Variants in DOCK3 observed in about 807,000 individuals in gnomAD.
The protein encoded by DOCK3 is dedicator of cytokinesis protein 3.
In DOCK3, 60 loss-of-function variants were observed where a neutral mutation model predicts 265.6. The observed-to-expected ratio is 0.23, with a 90% CI of 0.18 to 0.28. The LOEUF (loss-of-function observed/expected upper bound fraction) is 0.28, where lower values mean the gene tolerates loss of function less well. Among genes scored for constraint, DOCK3 ranks in the 10% least tolerant of loss-of-function variants. The pLI is 1.00. For missense variants in DOCK3, 1,981 were observed against 2,594.3 expected, an observed-to-expected ratio of 0.76 and a Z score of 5.14; for synonymous variants, 881 against 938.0, an observed-to-expected ratio of 0.94 and a Z score of 1.11.
chr3:51,346,456 A>G lies in DOCK3; in HGVS notation c.3916-2396A>G, dbSNP rs929035223. Among the ~76,000 whole-genome samples, 8 of 152,168 alleles carry G rather than the reference A, an allele frequency of 5.3e-5. No individual in the cohort carries two copies. In the South Asian group the frequency reaches 6.2e-4, roughly 12 times the overall value. ...ATTCCAGCTTCATCCATGTCCCTAC[A>G]AAGGACATGGACTCATCCTTTTTTA... On this transcript the variant is annotated intron_variant, in intron 38 of 52. Coordinates refer to ENST00000266037, the MANE Select transcript of DOCK3 (RefSeq NM_004947.5).
At chr3:50,876,421 A>G (rs997454834) in intron 3 of DOCK3, among the ~76,000 whole-genome samples, 1 of 152,178 alleles carries the variant, frequency 6.6e-6, no homozygotes, top group Non-Finnish European at 1.5e-5. Context: ...TAAAATATTT[A>G]GTATTTTATT....
At chr3:51,032,857 A>G (rs2080109308) in intron 5 of DOCK3, among the ~76,000 whole-genome samples, 1 of 152,156 alleles carries the variant, frequency 6.6e-6, no homozygotes, top group African/African-American at 2.4e-5. Context: ...GGCAGCAATG[A>G]GCTGTGATTG....
chr3:51,144,802 C>A (rs772600665), intron 9 of DOCK3, among the ~76,000 whole-genome samples: 1 of 152,164 alleles, frequency 6.6e-6, no homozygotes, highest in Non-Finnish European at 1.5e-5. Context: ...GTAGACGGAC[C>A]AAATGAATAC....
intron 22 of DOCK3, among the ~76,000 whole-genome samples, chr3:51,255,929 TGGA>T (rs1419924487): frequency 6.6e-6 from 1 of 152,268 alleles, no homozygotes; most frequent in African/African-American, 2.4e-5. Context: ...TGTGTTCCTT[TGGA>T]GGAGAAGAGG....
chr3:50,777,593 C>T (rs1355401387), intron 1 of DOCK3, among the ~76,000 whole-genome samples: 1 of 152,044 alleles, frequency 6.6e-6, no homozygotes, highest in Non-Finnish European at 1.5e-5. Context: ...TTTTTTTTAG[C>T]AGTGCCTTGT....
chr3:51,013,948 C>T (rs551747722), intron 5 of DOCK3, among the ~76,000 whole-genome samples: 34 of 152,288 alleles, frequency 2.2e-4, no homozygotes, highest in Non-Finnish European at 4.3e-4. Context: ...AGTAAGGCTT[C>T]GTAGGCGTGG....
At position 51,350,280 on chromosome 3, in the gene DOCK3, A is replaced by G; in HGVS notation, c.4003-8A>G. 6.3e-7 allele frequency: 1 copy of G among 1,596,688 alleles called. No homozygotes were observed. The highest frequency in any genetic ancestry group is 8.5e-7 in the Non-Finnish European group (1 of 1,175,512). On this transcript the variant is annotated splice_polypyrimidine_tract_variant and splice_region_variant and intron_variant, in intron 39 of 52. Transcript: ENST00000266037. ...TCAAGCCAACCTGAAGACCTTTCTC[A>G]TTCACAGAAAATGGAGGCCAGCTAC...
intron 2 of DOCK3, among the ~76,000 whole-genome samples, 179 bp from the exon 3 acceptor site, chr3:50,841,496 A>G (rs1482434137): frequency 1.3e-5 from 2 of 152,002 alleles, no homozygotes; most frequent in East Asian, 3.9e-4. Context: ...GAAATGTTTT[A>G]TTCACCATAT....
At chr3:50,842,984 G>C (rs954175010) in intron 3 of DOCK3, among the ~76,000 whole-genome samples, 5 of 152,116 alleles carry the variant, frequency 3.3e-5, no homozygotes, top group African/African-American at 1.2e-4. Flanking sequence ...AGTGTTTGAG[G>C]ATCAGCGCGT....
At chr3:51,045,653 A>G (rs978918917) in intron 5 of DOCK3, among the ~76,000 whole-genome samples, 1 of 152,122 alleles carries the variant, frequency 6.6e-6, no homozygotes, top group African/African-American at 2.4e-5. Flanking sequence ...GGGCAGGTCT[A>G]TTTTTATTTC....
At chr3:50,775,952 T>C (rs1435147889) in intron 1 of DOCK3, among the ~76,000 whole-genome samples, 1 of 152,186 alleles carries the variant, frequency 6.6e-6, no homozygotes, top group Non-Finnish European at 1.5e-5. Flanking sequence ...TTCCATGGTG[T>C]ATATTTACCA....
At chr3:50,809,441 C>T (rs574397960) in intron 2 of DOCK3, among the ~76,000 whole-genome samples, 10 of 152,244 alleles carry the variant, frequency 6.6e-5, no homozygotes, top group African/African-American at 2.4e-4. Context: ...GAATGTCGAT[C>T]GGTTGTTACT....
At chr3:51,339,115 G>T in intron 37 of DOCK3, 87 bp downstream of exon 37, 1 of 1,145,780 alleles carries the variant, frequency 8.7e-7, no homozygotes, top group South Asian at 1.6e-5. Flanking sequence ...CTTCAGGCTG[G>T]TGCCTGCCAG....
chr3:50,706,447 T>C (rs974147196), intron 1 of DOCK3, among the ~76,000 whole-genome samples: 2 of 152,226 alleles, frequency 1.3e-5, no homozygotes, highest in Non-Finnish European at 2.9e-5. Context: ...AGGTTTTTGC[T>C]GAGGAAGATG....
intron 4 of DOCK3, among the ~76,000 whole-genome samples, chr3:50,923,317 A>G (rs1289861747): frequency 6.6e-6 from 1 of 152,062 alleles, no homozygotes; most frequent in Non-Finnish European, 1.5e-5. Context: ...TGGTAGTTCT[A>G]CTTTTAGTTC....
At chr3:50,937,181 A>G (rs1285787698) in intron 5 of DOCK3, among the ~76,000 whole-genome samples, 1 of 151,666 alleles carries the variant, frequency 6.6e-6, no homozygotes, top group East Asian at 1.9e-4. Flanking sequence ...GGAGGCTGAA[A>G]CAGGAGTATC....
At chr3:51,242,139 A>G (rs1358086251) in intron 21 of DOCK3, among the ~76,000 whole-genome samples, 2 of 151,544 alleles carry the variant, frequency 1.3e-5, no homozygotes, top group African/African-American at 4.9e-5. Flanking sequence ...TGATTATGGT[A>G]TAAAGTGGAT....
intron 3 of DOCK3, among the ~76,000 whole-genome samples, chr3:50,871,461 A>T (rs1006462217): frequency 3.3e-5 from 5 of 151,012 alleles, no homozygotes; most frequent in Admixed American, 3.3e-4. Context: ...TTAATCCTTG[A>T]TCTTCGTGAG....
chr3:51,002,330 A>G (rs1196425365), intron 5 of DOCK3, among the ~76,000 whole-genome samples: 6 of 152,076 alleles, frequency 3.9e-5, no homozygotes, highest in African/African-American at 2.4e-5. Flanking sequence ...AGTTTTTCCT[A>G]TATTCTGGGT....
Sources: gnomAD v4.1 joint callset for allele counts (sites outside exome capture counted in the v4.1 genomes callset) on GRCh38, gnomAD v4.1.1 for gene constraint, MANE v1.5 for transcripts, NCBI Gene and HGNC (gene_info 2026-07-23, HGNC 2026-07-21) for gene names.